TIAM1: variants seen among roughly 807,000 people sequenced by gnomAD.
The protein encoded by TIAM1 is rho guanine nucleotide exchange factor TIAM1.
In TIAM1, 65 loss-of-function variants were observed where a neutral mutation model predicts 163.5. The ratio of observed to expected loss-of-function variants is 0.40; its 90% CI spans 0.33 to 0.49. The LOEUF is 0.49. TIAM1 is among the 20% of genes least tolerant of loss of function. TIAM1 has a pLI of 0.77. For synonymous variants in TIAM1, 833 were observed against 810.1 expected (o/e 1.03, Z -0.48); for missense variants, 1,789 against 2,044.7 (o/e 0.87, Z 2.41).
At chr21:31,210,812 A>AAGAAAGGT (rs1300979066) in intron 10 of TIAM1, among the ~76,000 whole-genome samples, 14 of 147,724 alleles carry the variant, frequency 9.5e-5, no homozygotes, top group South Asian at 4.3e-4. Flanking sequence ...GAAAGAAAGA[A>AAGAAAGGT]AGGTCACCAT....
chr21:31,555,524 AG>A (rs1474957594), intron 1 of TIAM1, among the ~76,000 whole-genome samples: 1 of 152,138 alleles, frequency 6.6e-6, no homozygotes, highest in Non-Finnish European at 1.5e-5. Flanking sequence ...CACGAGCCTG[AG>A]TCCGTGGTGT....
intron 2 of TIAM1, among the ~76,000 whole-genome samples, chr21:31,280,820 G>A (rs1569156401): frequency 6.7e-6 from 1 of 150,206 alleles, no homozygotes; most frequent in East Asian, 2.0e-4. Context: ...ACACTTGGGG[G>A]TGGGGGGGCA....
intron 1 of TIAM1, among the ~76,000 whole-genome samples, chr21:31,519,508 CAAAAAAAA>C (rs538283897): frequency 8.5e-5 from 7 of 82,718 alleles, no homozygotes; most frequent in African/African-American, 2.4e-4. Context: ...GATTCTGTCT[CAAAAAAAA>C]AAAAAAAAAA....
At chr21:31,167,377 C>G (rs974311506) in intron 15 of TIAM1, among the ~76,000 whole-genome samples, 1 of 152,244 alleles carries the variant, frequency 6.6e-6, no homozygotes, top group African/African-American at 2.4e-5. Context: ...GCCACAGTGC[C>G]CGGCTGGATT....
intron 12 of TIAM1, among the ~76,000 whole-genome samples, chr21:31,199,724 T>C (rs1449220734): frequency 6.7e-6 from 1 of 148,634 alleles, no homozygotes; most frequent in East Asian, 2.0e-4. Flanking sequence ...AGAGATGGAG[T>C]TTCAGCATGT....
intron 15 of TIAM1, among the ~76,000 whole-genome samples, chr21:31,181,827 C>G (rs2085043870): frequency 8.9e-6 from 1 of 112,916 alleles, no homozygotes; most frequent in African/African-American, 3.4e-5. Context: ...CTCTGTCTCC[C>G]AGGCTGGAAT....
At chr21:31,308,412 A>G (rs1230963159) in intron 2 of TIAM1, among the ~76,000 whole-genome samples, 1 of 151,006 alleles carries the variant, frequency 6.6e-6, no homozygotes, top group Non-Finnish European at 1.5e-5. Context: ...ATATGCCTAT[A>G]TATTTTATAT....
At chr21:31,324,174 G>A (rs369129407) in intron 2 of TIAM1, among the ~76,000 whole-genome samples, 5 of 152,190 alleles carry the variant, frequency 3.3e-5, no homozygotes, top group East Asian at 1.9e-4. Context: ...GACTGCGTGC[G>A]TGGAAAAGTT....
At chr21:31,444,823 A>AC (rs1454585379) in intron 2 of TIAM1, among the ~76,000 whole-genome samples, 1 of 152,114 alleles carries the variant, frequency 6.6e-6, no homozygotes, top group African/African-American at 2.4e-5. Flanking sequence ...ACATGGTGAA[A>AC]CCCCATCTAT....
chr21:31,326,925 A>C (rs2075507850), intron 2 of TIAM1, among the ~76,000 whole-genome samples: 1 of 152,224 alleles, frequency 6.6e-6, no homozygotes, highest in South Asian at 2.1e-4. Flanking sequence ...ACCACACGCC[A>C]CTTAAAACAG....
intron 2 of TIAM1, among the ~76,000 whole-genome samples, chr21:31,450,624 C>T (rs908669627): frequency 6.6e-6 from 1 of 152,118 alleles, no homozygotes; most frequent in African/African-American, 2.4e-5. Flanking sequence ...TTTCATGCTG[C>T]TGATAAAGAC....
At chr21:31,506,540 T>C (rs1373429421) in intron 1 of TIAM1, among the ~76,000 whole-genome samples, 1 of 152,202 alleles carries the variant, frequency 6.6e-6, no homozygotes, top group Non-Finnish European at 1.5e-5. Context: ...TGGAATCACA[T>C]AGTATTTCTC....
intron 1 of TIAM1, among the ~76,000 whole-genome samples, chr21:31,499,887 G>A (rs1487531879): frequency 6.7e-6 from 1 of 148,976 alleles, no homozygotes; most frequent in Non-Finnish European, 1.5e-5. Context: ...AAAAAAAACA[G>A]CTGGATGCAG....
intron 2 of TIAM1, among the ~76,000 whole-genome samples, chr21:31,288,974 T>C (rs1419916531): frequency 1.3e-5 from 2 of 152,196 alleles, no homozygotes; most frequent in African/African-American, 4.8e-5. Context: ...TTGACTCACA[T>C]CTTGAACTCA....
intron 2 of TIAM1, among the ~76,000 whole-genome samples, chr21:31,447,643 G>A (rs568708): frequency 0.81 from 123,827 of 152,096 alleles, 50,716 homozygotes; most frequent in East Asian, 0.91. Flanking sequence ...AGAGACTGTG[G>A]CTCACGTGTT....
chr21:31,430,225 A>AAATATAT (rs1555978198), intron 2 of TIAM1, among the ~76,000 whole-genome samples: 1 of 90,280 alleles, frequency 1.1e-5, no homozygotes, highest in Non-Finnish European at 1.9e-5. Flanking sequence ...AAAAAAAAAA[A>AAATATAT]ATATATATAT....
rs557499079 is a variant in TIAM1, at chr21:31,130,238, C to T, written c.4020G>A (p.Leu1340=). 2.5e-6 allele frequency: 4 copies of T among 1,614,006 alleles called. No homozygotes were observed. In the Admixed American group the frequency reaches 6.7e-5, roughly 27 times the overall value. Residue 1340 remains leucine (L), a synonymous_variant, in exon 25 of 28, where the codon CTG becomes CTA. Transcript: ENST00000541036. ...RFRHMIPTEA[L]QVRALASADA... ...CTGCACTCGCCAAAGCTCGAACCTG[C>T]AGCGCTTCCGTGGGGATCATGTGTC... is the stretch of plus-strand genomic sequence containing the variant.
chr21:31,181,779 TTTTTTTTTTTTTTTTTTTTTTTTTTTA>T (rs2085038049), intron 15 of TIAM1, among the ~76,000 whole-genome samples: 1 of 77,406 alleles, frequency 1.3e-5, no homozygotes, highest in Admixed American at 1.4e-4. Flanking sequence ...TTTTTTTTTT[TTTTTTTTTTTTTTTTTTTTTTTTTTTA>T]CGAGACAGGC....
chr21:31,349,357 G>A (rs1230418257), intron 2 of TIAM1, among the ~76,000 whole-genome samples: 1 of 152,168 alleles, frequency 6.6e-6, no homozygotes, highest in Non-Finnish European at 1.5e-5. Context: ...GAAGGCCAAG[G>A]AAACATCCGT....
Sources: gnomAD v4.1 joint callset for allele counts (sites outside exome capture counted in the v4.1 genomes callset) on GRCh38, gnomAD v4.1.1 for gene constraint, MANE v1.5 for transcripts, NCBI Gene and HGNC (gene_info 2026-07-23, HGNC 2026-07-21) for gene names.